DIS3L2: variants seen among roughly 807,000 people sequenced by gnomAD.
DIS3L2 encodes the protein DIS3-like exonuclease 2.
Under a neutral mutation model 97.5 loss-of-function variants are expected in DIS3L2, and 34 were observed. The ratio of observed to expected loss-of-function variants is 0.35; its 90% CI spans 0.27 to 0.46. DIS3L2 has a LOEUF of 0.46. DIS3L2 is among the 20% of genes least tolerant of loss of function. The probability of loss-of-function intolerance (pLI) is 1.00; values close to 1 mark genes in which losing one functional copy is unlikely to be tolerated. For synonymous variants in DIS3L2, 435 were observed against 445.2 expected (o/e 0.98, Z 0.29); for missense variants, 1,038 against 1,146.0 (o/e 0.91, Z 1.36).
At chr2:232,148,285 G>T (rs1210733236) in intron 8 of DIS3L2, among the ~76,000 whole-genome samples, 2 of 152,048 alleles carry the variant, frequency 1.3e-5, no homozygotes, top group Non-Finnish European at 2.9e-5. Flanking sequence ...TTGACTTCGT[G>T]ATCCACCCGC....
chr2:232,074,571 CTTT>C (rs66518544), intron 5 of DIS3L2, among the ~76,000 whole-genome samples: 77 of 104,128 alleles, frequency 7.4e-4, no homozygotes, highest in East Asian at 8.7e-4. Flanking sequence ...ATCAAGGAAC[CTTT>C]TTTTTTTTTT....
chr2:231,977,584 G>C (rs1301385666), intron 1 of DIS3L2, among the ~76,000 whole-genome samples: 2 of 152,164 alleles, frequency 1.3e-5, no homozygotes, highest in Non-Finnish European at 2.9e-5. Context: ...TGTGGGCAGA[G>C]CCCAGGCCTG....
At chr2:232,153,748 G>A (rs1241972365) in intron 8 of DIS3L2, among the ~76,000 whole-genome samples, 8 of 150,186 alleles carry the variant, frequency 5.3e-5, no homozygotes, top group Admixed American at 4.6e-4. Flanking sequence ...ACGTTGGCTT[G>A]CCTTGCTAGA....
At chr2:232,248,740 T>C (rs1042672809) in intron 11 of DIS3L2, among the ~76,000 whole-genome samples, 4 of 152,262 alleles carry the variant, frequency 2.6e-5, no homozygotes, top group African/African-American at 9.6e-5. Context: ...TGATATTTTA[T>C]TGAAGTAGTC....
At chr2:232,206,206 G>A (rs564035823) in intron 9 of DIS3L2, among the ~76,000 whole-genome samples, 171 of 152,294 alleles carry the variant, frequency 1.1e-3, no homozygotes, top group Admixed American at 1.8e-3. Context: ...TGTTGATACC[G>A]GCATATTAAA....
chr2:232,333,191 TC>T (rs1695809849), intron 16 of DIS3L2, among the ~76,000 whole-genome samples: 2 of 48,228 alleles, frequency 4.1e-5, no homozygotes, highest in Non-Finnish European at 7.1e-5. Flanking sequence ...CTCCTCCTCC[TC>T]CTCCTCCTCC....
intron 5 of DIS3L2, among the ~76,000 whole-genome samples, chr2:232,038,475 G>A (rs559839213): frequency 1.3e-5 from 2 of 152,338 alleles, no homozygotes; most frequent in African/African-American, 4.8e-5. Context: ...TAGAGCACCA[G>A]TGGAGCTCTA....
intron 13 of DIS3L2, among the ~76,000 whole-genome samples, chr2:232,294,844 G>A (rs1016964487): frequency 5.3e-5 from 8 of 152,274 alleles, no homozygotes; most frequent in Middle Eastern, 3.4e-3. Flanking sequence ...AATAAGATCA[G>A]CGTGAGAGAT....
chr2:232,000,783 T>C (rs1360936572), intron 1 of DIS3L2, among the ~76,000 whole-genome samples: 1 of 147,602 alleles, frequency 6.8e-6, no homozygotes, highest in Non-Finnish European at 1.5e-5. Flanking sequence ...CCCAGGCTGG[T>C]CTCAAACTCC....
chr2:232,219,044 TG>T (rs1176025667), intron 10 of DIS3L2, among the ~76,000 whole-genome samples: 1 of 152,210 alleles, frequency 6.6e-6, no homozygotes, highest in African/African-American at 2.4e-5. Context: ...GGCCTCTGCC[TG>T]CTCCTTTCCC....
intron 10 of DIS3L2, among the ~76,000 whole-genome samples, chr2:232,213,981 GT>G (rs1432675472): frequency 1.3e-5 from 2 of 152,098 alleles, no homozygotes; most frequent in African/African-American, 4.8e-5. Context: ...TTCCAACCTG[GT>G]AATTCTCCAC....
In DIS3L2 at chr2:232,070,606, A is replaced by G. The variant is rs1431867276; in HGVS notation, c.367-16881A>G. 6.3e-5 allele frequency among the ~76,000 whole-genome samples: 9 copies of G among 143,778 alleles called. No individual in the cohort carries two copies. The East Asian group carries it at 1.8e-3, about 29-fold the overall frequency. 94.3% of individuals were successfully genotyped at this position (143,778 alleles called of 152,430 possible). A position where few individuals can be genotyped will look rare whatever the true frequency, so the allele number is the denominator to read the frequency against. On this transcript the variant is annotated intron_variant, in intron 5 of 20. Coordinates refer to ENST00000325385, the MANE Select transcript of DIS3L2 (RefSeq NM_152383.5). ...ATGGTTCTTTTTTTTTTTTTTTGAG[A>G]TGGAGTCTCACTCTGTCGCCCAGGC...
rs1237544404 is a variant in DIS3L2, at chr2:232,281,632, T to C, written c.1659+18192T>C. ...GACAGGAGGGAACAGATGAGAGAAG[T>C]GGAATCAGAACCACAAAAGGGAGGG... On this transcript the variant is annotated intron_variant, in intron 13 of 20. Transcript: ENST00000325385. The surrounding 1 kb of genome is among the most constrained non-coding windows in gnomAD (Gnocchi z 4.1). 1.3e-5 allele frequency among the ~76,000 whole-genome samples: 2 copies of C among 151,472 alleles called. No homozygotes were observed. The highest frequency in any genetic ancestry group is 2.9e-5 in the Non-Finnish European group (2 of 67,864).
chr2:232,301,169 T>C (rs571900969), intron 14 of DIS3L2, among the ~76,000 whole-genome samples: 2 of 152,320 alleles, frequency 1.3e-5, no homozygotes, highest in East Asian at 3.9e-4. Flanking sequence ...ATTATTGTCA[T>C]ATTTGCAGAA....
intron 13 of DIS3L2, among the ~76,000 whole-genome samples, chr2:232,273,313 G>C (rs937669857): frequency 3.7e-4 from 57 of 152,024 alleles, no homozygotes; most frequent in African/African-American, 1.4e-3. Context: ...ACAACATCTT[G>C]TCCACCTTTG....
At chr2:232,019,317 T>C (rs981731621) in intron 3 of DIS3L2, among the ~76,000 whole-genome samples, 2 of 152,018 alleles carry the variant, frequency 1.3e-5, no homozygotes, top group Non-Finnish European at 2.9e-5. Flanking sequence ...TTTAGAAGGC[T>C]AGGGTGGGAA....
chr2:232,023,213 G>A (rs1435879223), intron 3 of DIS3L2: 1 of 152,158 alleles, frequency 6.6e-6, no homozygotes, highest in African/African-American at 2.4e-5. Context: ...GTGTGTCTCA[G>A]GGTCTTGAAT....
intron 5 of DIS3L2, among the ~76,000 whole-genome samples, chr2:232,063,148 TC>T (rs1228956335): frequency 2.6e-5 from 4 of 152,190 alleles, no homozygotes; most frequent in Non-Finnish European, 4.4e-5. Flanking sequence ...GGCTCCTTGC[TC>T]CCACCTCCCC....
chr2:232,292,720 TCTCC>T lies in DIS3L2; in HGVS notation c.1660-7318_1660-7315del, dbSNP rs1217324839. 6.6e-6 allele frequency among the ~76,000 whole-genome samples: 1 copy of T among 152,160 alleles called. No individual in the cohort carries two copies. Among genetic ancestry groups the T allele is most frequent in the Admixed American group, 6.5e-5 (1 of 15,288 alleles). Reference sequence around the variant, plus strand: ...GCCTGAGCCCCTGAAAGGAGAAGGCTCTCCCATTTTCTGCCCTGGGGAGACTGCC... The same window carrying T: ...GCCTGAGCCCCTGAAAGGAGAAGGCTCATTTTCTGCCCTGGGGAGACTGCC... On this transcript the variant is annotated intron_variant, in intron 13 of 20. Coordinates refer to ENST00000325385, the MANE Select transcript of DIS3L2 (RefSeq NM_152383.5). The surrounding 1 kb of genome is among the most constrained non-coding windows in gnomAD (Gnocchi z 4.4).
Sources: gnomAD v4.1 joint callset for allele counts (sites outside exome capture counted in the v4.1 genomes callset) on GRCh38, gnomAD v4.1.1 for gene constraint, Gnocchi (gnomAD v3.1) non-coding constraint, MANE v1.5 for transcripts, NCBI Gene and HGNC (gene_info 2026-07-23, HGNC 2026-07-21) for gene names.